Variants in ZKSCAN5 observed in about 807,000 individuals in gnomAD.
ZKSCAN5 encodes zinc finger with KRAB and SCAN domains 5, also known as zinc finger protein with KRAB and SCAN domains 5.
A neutral mutation model predicts 60.0 loss-of-function variants in ZKSCAN5; 28 were observed. That is an observed-to-expected ratio of 0.47 (90% CI 0.35 to 0.64). The LOEUF (loss-of-function observed/expected upper bound fraction) is 0.64, where lower values mean the gene tolerates loss of function less well. ZKSCAN5 is among the 30% of genes least tolerant of loss of function. The pLI is 0.01. For synonymous variants in ZKSCAN5, 361 were observed against 371.2 expected (o/e 0.97, Z 0.31); for missense variants, 881 against 1,034.6 (o/e 0.85, Z 2.04).
At position 99,526,818 on chromosome 7, in the gene ZKSCAN5, G is replaced by A. The variant is rs61159341; in HGVS notation, c.1378+400G>A. Among the ~76,000 whole-genome samples, 945 of 152,320 alleles carry A rather than the reference G, an allele frequency of 6.2e-3. 13 individuals are homozygous for A. The highest frequency in any genetic ancestry group is 0.022 in the African/African-American group (905 of 41,576). On this transcript the variant is annotated intron_variant, in intron 6 of 6. Coordinates refer to ENST00000326775, the MANE Select transcript of ZKSCAN5 (RefSeq NM_145102.4). The stretch of plus-strand genomic sequence containing the variant: ...GATCTGCCTGCCTTGGCCTCCCAAA[G>A]TGCTGGGATTACAGGCATGAGCCAC...
chr7:99,519,772 C>CT, intron 3 of ZKSCAN5, 55 bp from the exon 4 acceptor site: 1 of 1,534,972 alleles, frequency 6.5e-7, no homozygotes, highest in South Asian at 1.1e-5. Context: ...AACATGATGG[C>CT]AATGAGAACC....
intron 2 of ZKSCAN5, among the ~76,000 whole-genome samples, chr7:99,506,807 G>A (rs1032724230): frequency 3.3e-5 from 5 of 151,818 alleles, no homozygotes; most frequent in African/African-American, 9.7e-5. Flanking sequence ...CTCAGCCTCC[G>A]GAGTAGCTGG....
chr7:99,520,408 T>A (rs1285387448), intron 5 of ZKSCAN5, 104 bp downstream of exon 5: 57 of 1,381,890 alleles, frequency 4.1e-5, no homozygotes, highest in Non-Finnish European at 5.4e-5. Context: ...TTATGTGCTA[T>A]GACTTTGCTT....
At chr7:99,515,998 T>G (rs1160994853) in intron 3 of ZKSCAN5, among the ~76,000 whole-genome samples, 1 of 152,110 alleles carries the variant, frequency 6.6e-6, no homozygotes, top group Non-Finnish European at 1.5e-5. Context: ...CTTTGCTTTT[T>G]TTTTTTTGAG....
At chr7:99,530,102 C>A (rs1457782795) in intron 6 of ZKSCAN5, among the ~76,000 whole-genome samples, 1 of 134,258 alleles carries the variant, frequency 7.4e-6, no homozygotes, top group Admixed American at 7.8e-5. Flanking sequence ...GGCGCAGTCT[C>A]GGCTCACTGC....
In ZKSCAN5 at chr7:99,531,410, A is replaced by G; in HGVS notation, c.1681A>G (p.Ser561Gly). Residue 561 changes from serine (S) to glycine (G), a missense_variant, in exon 7 of 7, where the codon AGT (serine) becomes GGT (glycine). By Grantham distance (56) the Ser-to-Gly change is moderately conservative. Coordinates refer to ENST00000326775, the MANE Select transcript of ZKSCAN5 (RefSeq NM_145102.4). ...CGAGTGTGGGAAAAGCTTCATTCAG[A>G]GTGCACATCTTATTCAACATCAAAG... ...CNECGKSFIQ[S>G]AHLIQHQRIH... 6.2e-7 allele frequency: 1 copy of G among 1,614,210 alleles called. No individual in the cohort carries two copies. Among genetic ancestry groups the G allele is most frequent in the Non-Finnish European group, 8.5e-7 (1 of 1,180,026 alleles).
chr7:99,531,902 G>A lies in ZKSCAN5; in HGVS notation c.2173G>A (p.Ala725Thr). ...TTATCAGTGTGATATCTGTGGAAAA[G>A]CCTTTGGTTATAGCTCAGACCTCAT... Reference protein sequence around the residue: ...QPYQCDICGKAFGYSSDLIQH... With the variant: ...QPYQCDICGKTFGYSSDLIQH... The change falls in exon 7 of 7, where the codon GCC becomes ACC. Residue 725 changes from alanine to threonine, a missense_variant. Transcript: ENST00000326775. 1 of 1,614,160 alleles carries A rather than the reference G, an allele frequency of 6.2e-7. No individual in the cohort carries two copies. The highest frequency in any genetic ancestry group is 1.3e-5 in the African/African-American group (1 of 75,062).
In ZKSCAN5 at chr7:99,533,846, G is replaced by T; in HGVS notation, c.*1597G>T. On this transcript the variant is annotated 3_prime_UTR_variant, in exon 7 of 7. Coordinates refer to ENST00000326775, the MANE Select transcript of ZKSCAN5 (RefSeq NM_145102.4). ...CACATGGTTCTGAATCCCTGTCTCA[G>T]GCTCTGCTTTAGAGAACCTGATCTA... is the stretch of plus-strand genomic sequence containing the variant. 2.6e-6 allele frequency: 1 copy of T among 383,368 alleles called. No homozygotes were observed. 23.7% of individuals were successfully genotyped at this position (383,368 alleles called of 1,614,324 possible). A position where few individuals can be genotyped will look rare whatever the true frequency, so the allele number is the denominator to read the frequency against.
intron 6 of ZKSCAN5, among the ~76,000 whole-genome samples, chr7:99,530,460 A>C (rs116040942): frequency 0.011 from 1,638 of 151,852 alleles, 17 homozygotes; most frequent in African/African-American, 0.037. Context: ...TCATTTGTAT[A>C]TATTATTTTG....
chr7:99,510,538 G>A (rs938305105), intron 2 of ZKSCAN5, among the ~76,000 whole-genome samples: 16 of 151,644 alleles, frequency 1.1e-4, no homozygotes, highest in Admixed American at 2.6e-4. Context: ...TCCACCTCCC[G>A]GGTTCAAGCG....
chr7:99,526,301 C>T lies in ZKSCAN5; in HGVS notation c.1261C>T (p.His421Tyr), dbSNP rs773524169. The T allele has an allele frequency of 1.2e-6, 2 of 1,612,400 alleles. No individual in the cohort carries two copies. Among genetic ancestry groups the T allele is most frequent in the East Asian group, 2.2e-5 (1 of 44,872 alleles). Residue 421 changes from histidine (H) to tyrosine (Y), a missense_variant, in exon 6 of 7, where the codon CAC (histidine) becomes TAC (tyrosine). By Grantham distance (83) the His-to-Tyr change is moderately conservative (BLOSUM62 2). This residue lies in a region of ZKSCAN5 where 490 missense variants were observed against 554.5 expected (regional missense o/e 0.88). Coordinates refer to ENST00000326775, the MANE Select transcript of ZKSCAN5 (RefSeq NM_145102.4). The stretch of plus-strand genomic sequence containing the variant: ...GGTGAGTTCCCACCTGGTTCAGCAC[C>T]ACAGTGTCCACAGCGGAGAGAGGCC... Reference protein sequence around the residue: ...FRVSSHLVQHHSVHSGERPYG... With the variant: ...FRVSSHLVQHYSVHSGERPYG...
chr7:99,526,518 G>T (rs1203834506), intron 6 of ZKSCAN5, 100 bp downstream of exon 6: 17 of 1,497,482 alleles, frequency 1.1e-5, no homozygotes, highest in African/African-American at 2.8e-5. Flanking sequence ...GTGATACTGG[G>T]GGGGGTAGGA....
chr7:99,527,936 G>T (rs549834077), intron 6 of ZKSCAN5, among the ~76,000 whole-genome samples: 1 of 151,886 alleles, frequency 6.6e-6, no homozygotes, highest in Non-Finnish European at 1.5e-5. Context: ...TGATCCACCC[G>T]CCTTGGCCTC....
intron 3 of ZKSCAN5, among the ~76,000 whole-genome samples, chr7:99,517,783 G>T (rs1455483545): frequency 2.6e-5 from 4 of 152,000 alleles, no homozygotes; most frequent in African/African-American, 9.7e-5. Context: ...GGAGGCGGAG[G>T]TTGCAGTGAG....
At chr7:99,519,540 G>C (rs1357592504) in intron 3 of ZKSCAN5, among the ~76,000 whole-genome samples, 2 of 152,118 alleles carry the variant, frequency 1.3e-5, no homozygotes, top group Admixed American at 1.3e-4. Flanking sequence ...ACCTCCCAAA[G>C]TGCTGGTATT....
chr7:99,508,735 C>T (rs923722942), intron 2 of ZKSCAN5, among the ~76,000 whole-genome samples: 6 of 145,396 alleles, frequency 4.1e-5, no homozygotes, highest in African/African-American at 1.0e-4. Context: ...GGCGATGGAG[C>T]GAGACTCCCA....
intron 5 of ZKSCAN5, among the ~76,000 whole-genome samples, chr7:99,525,150 A>C (rs2151112722): frequency 6.7e-6 from 1 of 150,100 alleles, no homozygotes; most frequent in Non-Finnish European, 1.5e-5. Context: ...TGGGTGGCAG[A>C]GTGAGACTCC....
At chr7:99,522,059 C>T (rs1801561071) in intron 5 of ZKSCAN5, among the ~76,000 whole-genome samples, 1 of 152,098 alleles carries the variant, frequency 6.6e-6, no homozygotes, top group Non-Finnish European at 1.5e-5. Context: ...ATGTTTTTCT[C>T]ATTCTCTATC....
intron 2 of ZKSCAN5, among the ~76,000 whole-genome samples, chr7:99,509,416 G>A (rs914501081): frequency 2.0e-5 from 3 of 151,728 alleles, no homozygotes; most frequent in Non-Finnish European, 2.9e-5. Flanking sequence ...GAGCCACCAC[G>A]CCTGACCATA....
Sources: gnomAD v4.1 joint callset for allele counts (sites outside exome capture counted in the v4.1 genomes callset) on GRCh38, gnomAD v4.1.1 for gene constraint, gnomAD v4.1.1 regional missense constraint, MANE v1.5 for transcripts, NCBI Gene and HGNC (gene_info 2026-07-23, HGNC 2026-07-21) for gene names.